The following CCDC181 variants were observed in gnomAD, a reference collection of about 807,000 sequenced individuals.
CCDC181 encodes coiled-coil domain-containing protein 181.
Under a neutral mutation model 58.7 loss-of-function variants are expected in CCDC181, and 35 were observed. That is an observed-to-expected ratio of 0.60 (90% CI 0.46 to 0.79). CCDC181 has a LOEUF of 0.79. Among genes scored for constraint, CCDC181 ranks in the 30% least tolerant of loss-of-function variants. CCDC181 has a pLI of 0.00. For missense variants in CCDC181, 517 were observed against 583.9 expected, an observed-to-expected ratio of 0.89 and a Z score of 1.18; for synonymous variants, 183 against 197.5, an observed-to-expected ratio of 0.93 and a Z score of 0.62.
chr1:169,406,311 G>T (rs1327278036), intron 4 of CCDC181, among the ~76,000 whole-genome samples: 3 of 152,154 alleles, frequency 2.0e-5, no homozygotes, highest in Non-Finnish European at 1.5e-5. Flanking sequence ...ATACCCAAAG[G>T]ATTATAAATC....
chr1:169,419,358 T>A (rs1656363743), intron 3 of CCDC181, among the ~76,000 whole-genome samples, 199 bp from the exon 4 acceptor site: 1 of 152,176 alleles, frequency 6.6e-6, no homozygotes. Context: ...GGCAGGCAGA[T>A]CACTTGAGGT....
intron 2 of CCDC181, among the ~76,000 whole-genome samples, chr1:169,452,984 A>G (rs1327963867): frequency 6.6e-6 from 1 of 152,114 alleles, no homozygotes; most frequent in Non-Finnish European, 1.5e-5. Flanking sequence ...ATGAAGTAAT[A>G]TAGTTATTTT....
At chr1:169,396,955 A>G (rs577749079) in intron 5 of CCDC181, among the ~76,000 whole-genome samples, 1 of 152,250 alleles carries the variant, frequency 6.6e-6, no homozygotes, top group East Asian at 1.9e-4. Flanking sequence ...ATGATAAGGT[A>G]TCAAAGGCTA....
In CCDC181 at chr1:169,421,873, C is replaced by A. The variant is rs1359840154; in HGVS notation, c.558G>T (p.Leu186=). The part of the protein sequence containing the change: ...FENERNMFGK[L]SQLCISNDFG... ...AATCATTGGAAATACATAATTGTGA[C>A]AGTTTCCCAAACATATTCCTTTCGT... Residue 186 remains leucine (L), a synonymous_variant, in exon 3 of 6, where the codon CTG becomes CTT. Coordinates refer to ENST00000367806, the MANE Select transcript of CCDC181 (RefSeq NM_001300969.2). 1 of 1,613,724 alleles carries A rather than the reference C, an allele frequency of 6.2e-7. No individual in the cohort carries two copies. Among genetic ancestry groups the A allele is most frequent in the Non-Finnish European group, 8.5e-7 (1 of 1,179,934 alleles).
At chr1:169,416,120 G>C (rs559749977) in intron 4 of CCDC181, among the ~76,000 whole-genome samples, 68 of 152,322 alleles carry the variant, frequency 4.5e-4, no homozygotes, top group Non-Finnish European at 7.2e-4. Flanking sequence ...CAGTGGCCTA[G>C]ATTTTCTAGT....
At chr1:169,424,527 A>G in intron 2 of CCDC181, among the ~76,000 whole-genome samples, 1 of 151,706 alleles carries the variant, frequency 6.6e-6, no homozygotes, top group South Asian at 2.1e-4. Flanking sequence ...TGATTTTACT[A>G]TTTATTTATA....
chr1:169,410,095 C>A (rs1025808660), intron 4 of CCDC181, among the ~76,000 whole-genome samples: 2 of 151,174 alleles, frequency 1.3e-5, no homozygotes, highest in Admixed American at 1.3e-4. Context: ...ACTGGCAAAT[C>A]GGATAGAGTC....
chr1:169,438,407 G>T (rs186189028), intron 2 of CCDC181, among the ~76,000 whole-genome samples: 3 of 151,958 alleles, frequency 2.0e-5, no homozygotes, highest in African/African-American at 7.3e-5. Context: ...TGATGACCCT[G>T]CTTGCTGTGC....
chr1:169,410,589 A>T (rs1303997291), intron 4 of CCDC181, among the ~76,000 whole-genome samples: 1 of 152,198 alleles, frequency 6.6e-6, no homozygotes, highest in Non-Finnish European at 1.5e-5. Context: ...TAAAATATAC[A>T]TTCTTCTCAG....
intron 2 of CCDC181, among the ~76,000 whole-genome samples, chr1:169,448,122 C>T (rs796105471): frequency 5.9e-5 from 9 of 152,216 alleles, no homozygotes; most frequent in African/African-American, 2.2e-4. Flanking sequence ...AGAGTTGTCC[C>T]AGTTCTTACT....
At position 169,419,100 on chromosome 1, in the gene CCDC181, A is replaced by C. The variant is rs1318862907; in HGVS notation, c.1128T>G (p.Phe376Leu). Residue 376 changes from phenylalanine to leucine, a missense_variant, in exon 4 of 6, where the codon TTT becomes TTG. Coordinates refer to ENST00000367806, the MANE Select transcript of CCDC181 (RefSeq NM_001300969.2). ...KEKKRENDIVFKAWLQKKREQ... is the reference protein window; with the variant it reads ...KEKKRENDIVLKAWLQKKREQ... ...CTCTTTTCTTTTGCAACCACGCTTT[A>C]AATACTATGTCATTCTCTCTCTTTT... The C allele has an allele frequency of 1.2e-6, 2 of 1,613,464 alleles. No individual in the cohort carries two copies. The highest frequency in any genetic ancestry group is 2.2e-5 in the South Asian group (2 of 91,024).
At chr1:169,436,539 G>A (rs1221146641) in intron 2 of CCDC181, among the ~76,000 whole-genome samples, 1 of 151,968 alleles carries the variant, frequency 6.6e-6, no homozygotes, top group Non-Finnish European at 1.5e-5. Flanking sequence ...CTGACATGCA[G>A]AAAACAAAAA....
At chr1:169,437,252 G>T (rs1211247275) in intron 2 of CCDC181, among the ~76,000 whole-genome samples, 5 of 152,128 alleles carry the variant, frequency 3.3e-5, no homozygotes, top group Non-Finnish European at 7.4e-5. Context: ...TCAAGTGCAG[G>T]GTCTGCAAAA....
chr1:169,409,414 T>C (rs1655840293), intron 4 of CCDC181, among the ~76,000 whole-genome samples: 1 of 152,172 alleles, frequency 6.6e-6, no homozygotes, highest in East Asian at 1.9e-4. Context: ...CTACGTTTGA[T>C]TGGTGTACCT....
intron 4 of CCDC181, among the ~76,000 whole-genome samples, chr1:169,413,904 G>A (rs557175952): frequency 6.6e-6 from 1 of 152,060 alleles, no homozygotes; most frequent in African/African-American, 2.4e-5. Flanking sequence ...AGCATTAGGA[G>A]AAATACCTAA....
intron 2 of CCDC181, chr1:169,451,360 T>A (rs1022163993): frequency 1.3e-5 from 2 of 152,154 alleles, no homozygotes; most frequent in African/African-American, 4.8e-5. Flanking sequence ...TAAAATTTGC[T>A]TTTAGGACCA....
At chr1:169,440,108 G>C (rs138919763) in intron 2 of CCDC181, among the ~76,000 whole-genome samples, 1 of 152,216 alleles carries the variant, frequency 6.6e-6, no homozygotes, top group East Asian at 1.9e-4. Flanking sequence ...CAGGCTTGAG[G>C]GTGGGGCCTT....
intron 2 of CCDC181, among the ~76,000 whole-genome samples, chr1:169,456,133 G>C (rs1293961186): frequency 6.6e-6 from 1 of 151,958 alleles, no homozygotes; most frequent in Non-Finnish European, 1.5e-5. Flanking sequence ...CAGTTTTTTG[G>C]CTGAAGATTT....
At chr1:169,436,040 T>G (rs1657047011) in intron 2 of CCDC181, among the ~76,000 whole-genome samples, 1 of 152,158 alleles carries the variant, frequency 6.6e-6, no homozygotes, top group Non-Finnish European at 1.5e-5. Context: ...AAAGCAATAA[T>G]GCAAAGCTAA....
Sources: gnomAD v4.1 joint callset for allele counts (sites outside exome capture counted in the v4.1 genomes callset) on GRCh38, gnomAD v4.1.1 for gene constraint, MANE v1.5 for transcripts, NCBI Gene and HGNC (gene_info 2026-07-23, HGNC 2026-07-21) for gene names.